The following IBTK variants were observed in gnomAD, a reference collection of about 807,000 sequenced individuals.
The protein encoded by IBTK is BTK-binding protein.
A neutral mutation model predicts 154.9 loss-of-function variants in IBTK; 83 were observed. The observed-to-expected ratio is 0.54, with a 90% CI of 0.45 to 0.64. IBTK has a LOEUF of 0.64. Among genes scored for constraint, IBTK ranks in the 30% least tolerant of loss-of-function variants. The probability of loss-of-function intolerance (pLI) is 0.00; values close to 1 mark genes in which losing one functional copy is unlikely to be tolerated. For synonymous variants in IBTK, 515 were observed against 536.1 expected, an observed-to-expected ratio of 0.96 and a Z score of 0.54; for missense variants, 1,332 against 1,584.6, an observed-to-expected ratio of 0.84 and a Z score of 2.71.
intron 6 of IBTK, 76 bp from the exon 7 acceptor site, chr6:82,224,261 C>A (rs775111136): frequency 9.8e-7 from 1 of 1,024,828 alleles, no homozygotes; most frequent in Non-Finnish European, 1.5e-6. Context: ...TCCAGCAGAC[C>A]AGCAAATATA....
chr6:82,220,801 A>C, intron 8 of IBTK, 88 bp from the exon 9 acceptor site: 2 of 1,014,894 alleles, frequency 2.0e-6, no homozygotes, highest in Non-Finnish European at 2.8e-6. Context: ...TCAAACAACA[A>C]TCTATAGGCA....
intron 17 of IBTK, among the ~76,000 whole-genome samples, chr6:82,203,717 C>T (rs1769296463): frequency 1.3e-5 from 2 of 152,086 alleles, no homozygotes; most frequent in African/African-American, 4.8e-5. Flanking sequence ...CATGAAAGAA[C>T]ACTGAGGAAG....
chr6:82,237,653 ATAGTAGTGGTAGTAGTAG>A (rs1476533557), intron 2 of IBTK, among the ~76,000 whole-genome samples: 16 of 36,616 alleles, frequency 4.4e-4, no homozygotes, highest in African/African-American at 2.0e-3. Context: ...GTAGTAGAAG[ATAGTAGTGGTAGTAGTAG>A]TAGTAGTAGT....
At chr6:82,236,993 TA>T (rs1770741456) in intron 2 of IBTK, among the ~76,000 whole-genome samples, 1 of 152,172 alleles carries the variant, frequency 6.6e-6, no homozygotes, top group Non-Finnish European at 1.5e-5. Context: ...ACAGTCAAGC[TA>T]AGGGCAAGGT....
In IBTK at chr6:82,225,460, A is replaced by C. The variant is rs1339807151; in HGVS notation, c.825+17T>G. Reference sequence around the variant, plus strand: ...TTGCAAATGTAAAACCTTATTATTTAAAAGAGTAAAGCTTACCTGTCTGGG... The same window carrying C: ...TTGCAAATGTAAAACCTTATTATTTCAAAGAGTAAAGCTTACCTGTCTGGG... On this transcript the variant is annotated intron_variant, in intron 6 of 28. Transcript: ENST00000306270. 1 of 1,592,062 alleles carries C rather than the reference A, an allele frequency of 6.3e-7. No individual in the cohort carries two copies. The highest frequency in any genetic ancestry group is 8.5e-7 in the Non-Finnish European group (1 of 1,170,094).
rs768500393 is a variant in IBTK, at chr6:82,225,641, G to C, written c.661C>G (p.Arg221Gly). ...TGACCATTCAGTCCTTCCACAAGCC[G>C]AGGGACCTACAAAATAAAATTAACT... ...HGDEQTCLVP[R>G]LVEGLNGHNC... The change falls in exon 6 of 29, where the codon CGG (arginine) becomes GGG (glycine). Residue 221 changes from arginine (R) to glycine (G), a missense_variant. Physicochemically the swap from Arg to Gly is moderately radical, Grantham distance 125. Around this residue, in one of 3 missense-constraint regions of IBTK, gnomAD observed 114 missense variants for 213.7 expected, o/e 0.53. Coordinates refer to ENST00000306270, the MANE Select transcript of IBTK (RefSeq NM_015525.4). 12 of 1,604,226 alleles carry C rather than the reference G, an allele frequency of 7.5e-6. No individual in the cohort carries two copies. The highest frequency in any genetic ancestry group is 1.0e-5 in the Non-Finnish European group (12 of 1,177,162).
In IBTK at chr6:82,244,351, CTT is replaced by C. The variant is rs541335134; in HGVS notation, c.-358+3209_-358+3210del. ...CTAATGACTTCCAAATTACCAAACA[CTT>C]TTAGATATTTTCAATTCTTACTTGC... On this transcript the variant is annotated intron_variant, in intron 1 of 28. Transcript: ENST00000306270. Among the ~76,000 whole-genome samples the C allele has an allele frequency of 3.1e-3, 465 of 152,296 alleles. 4 individuals carry two copies. Among genetic ancestry groups the C allele is most frequent in the African/African-American group, 0.01 (429 of 41,552 alleles).
chr6:82,190,606 A>G (rs1390537424), intron 25 of IBTK, among the ~76,000 whole-genome samples: 1 of 152,194 alleles, frequency 6.6e-6, no homozygotes, highest in East Asian at 1.9e-4. Context: ...AAAAGTGAAA[A>G]ATAACAAGCT....
chr6:82,218,121 G>C lies in IBTK; in HGVS notation c.1265C>G (p.Ser422Ter). 1 of 1,567,052 alleles carries C rather than the reference G, an allele frequency of 6.4e-7. No homozygotes were observed. Among genetic ancestry groups the C allele is most frequent in the Non-Finnish European group, 8.6e-7 (1 of 1,160,390 alleles). Reference sequence around the variant, plus strand: ...ACACTGCTTCAGAGAACTGTTGACTGATCTCCAGCAAAACACCTAAAACAA... The same window carrying C: ...ACACTGCTTCAGAGAACTGTTGACTCATCTCCAGCAAAACACCTAAAACAA... ...DGAGRVFCWR[S>*]VNSSLKQCRW... The change falls in exon 10 of 29, where the codon TCA (serine) becomes TGA (stop). Residue 422 changes from serine (S) to a stop codon, truncating the protein, a stop_gained. Coordinates refer to ENST00000306270, the MANE Select transcript of IBTK (RefSeq NM_015525.4). LOFTEE classifies it high-confidence loss of function.
intron 28 of IBTK, 151 bp from the exon 29 acceptor site, chr6:82,171,707 G>T: frequency 1.5e-6 from 1 of 688,322 alleles, no homozygotes; most frequent in Admixed American, 2.8e-5. Flanking sequence ...TTTAAATCAG[G>T]TATCCTGCTA....
At chr6:82,229,390 C>T (rs546756602) in intron 4 of IBTK, among the ~76,000 whole-genome samples, 2 of 152,194 alleles carry the variant, frequency 1.3e-5, no homozygotes, top group South Asian at 4.1e-4. Context: ...TTCCTAATGC[C>T]ATCATGATTC....
chr6:82,191,263 T>G (rs747200316), intron 24 of IBTK, 47 bp from the exon 25 acceptor site: 21 of 1,455,474 alleles, frequency 1.4e-5, no homozygotes, highest in Non-Finnish European at 2.0e-5. Flanking sequence ...TGACAAAGTT[T>G]AATTCCATGA....
At chr6:82,184,187 T>C (rs537442468) in intron 25 of IBTK, among the ~76,000 whole-genome samples, 2 of 152,360 alleles carry the variant, frequency 1.3e-5, no homozygotes, top group East Asian at 3.9e-4. Context: ...ACAATTTTAT[T>C]TTCCTAACTC....
rs571739285 is a variant in IBTK, at chr6:82,209,638, A to G, written c.2509+1176T>C. Reference sequence around the variant, plus strand: ...TGATGAAAATGTTCTAGAATTATACAGTGATGATAGTTGCACAAATTCATA... The same window carrying G: ...TGATGAAAATGTTCTAGAATTATACGGTGATGATAGTTGCACAAATTCATA... On this transcript the variant is annotated intron_variant, in intron 16 of 28. Transcript: ENST00000306270. Among the ~76,000 whole-genome samples the G allele has an allele frequency of 7.9e-4, 120 of 152,322 alleles. 1 individual carries two copies. The highest frequency in any genetic ancestry group is 2.7e-3 in the African/African-American group (114 of 41,574).
intron 1 of IBTK, among the ~76,000 whole-genome samples, chr6:82,245,379 T>A (rs1771104749): frequency 6.6e-6 from 1 of 151,986 alleles, no homozygotes; most frequent in Non-Finnish European, 1.5e-5. Flanking sequence ...GGCAACATGG[T>A]GAAAGCCATC....
In IBTK at chr6:82,247,627, T is replaced by A; in HGVS notation, c.-423A>T. On this transcript the variant is annotated 5_prime_UTR_variant, in exon 1 of 29. It removes an upstream start codon present in the reference 5' UTR. Transcript: ENST00000306270. Reference sequence around the variant, plus strand: ...CCACATAGAGCCACAAAGGGACTCATCCTCAGTGAAGGCAATAAGAGAAAC... The same window carrying A: ...CCACATAGAGCCACAAAGGGACTCAACCTCAGTGAAGGCAATAAGAGAAAC... 1 of 398,764 alleles carries A rather than the reference T, an allele frequency of 2.5e-6. No homozygotes were observed. The highest frequency in any genetic ancestry group is 4.4e-6 in the Non-Finnish European group (1 of 226,178). The allele number at this position is 398,764 out of a possible 1,614,324, so 24.7% of individuals were successfully genotyped here. A position where few individuals can be genotyped will look rare whatever the true frequency, so the allele number is the denominator to read the frequency against.
chr6:82,211,165 A>G (rs1320606743), intron 15 of IBTK, among the ~76,000 whole-genome samples: 1 of 152,182 alleles, frequency 6.6e-6, no homozygotes, highest in Non-Finnish European at 1.5e-5. Context: ...TAACGGGGAA[A>G]TTTTTATTTA....
chr6:82,219,398 C>G (rs542424383), intron 9 of IBTK, among the ~76,000 whole-genome samples: 1 of 152,268 alleles, frequency 6.6e-6, no homozygotes, highest in African/African-American at 2.4e-5. Context: ...AAATGTCAAA[C>G]TTTACAGCAC....
chr6:82,200,753 G>GTTTTTTTT lies in IBTK; in HGVS notation c.2791-53_2791-46dup, dbSNP rs138809525. The GTTTTTTTT allele has an allele frequency of 3.2e-4, 126 of 393,356 alleles. 1 individual carries two copies. Among genetic ancestry groups the GTTTTTTTT allele is most frequent in the South Asian group, 1.0e-3 (31 of 30,300 alleles). 24.4% of individuals were successfully genotyped at this position (393,356 alleles called of 1,614,324 possible). A position where few individuals can be genotyped will look rare whatever the true frequency, so the allele number is the denominator to read the frequency against. ...ACTTTTCAAATACAAAATCTGTGAA[G>GTTTTTTTT]TTTTTTTTTTTTTTTTTTTTTTTTT... On this transcript the variant is annotated intron_variant, in intron 19 of 28. Transcript: ENST00000306270.
Sources: gnomAD v4.1 joint callset for allele counts (sites outside exome capture counted in the v4.1 genomes callset) on GRCh38, gnomAD v4.1.1 for gene constraint, gnomAD v4.1.1 regional missense constraint, MANE v1.5 for transcripts, NCBI Gene and HGNC (gene_info 2026-07-23, HGNC 2026-07-21) for gene names.